SLTM: variants seen among roughly 807,000 people sequenced by gnomAD.
SLTM encodes the protein SAFB-like transcription modulator.
SLTM carries 43 observed loss-of-function variants against 134.6 expected under a neutral mutation model. The observed-to-expected ratio is 0.32, with a 90% CI of 0.25 to 0.41. The LOEUF (loss-of-function observed/expected upper bound fraction) is 0.41. SLTM is among the 10% of genes least tolerant of loss of function. The pLI, the probability that SLTM is intolerant of heterozygous loss-of-function variation, is 1.00. For synonymous variants in SLTM, 424 were observed against 432.3 expected (o/e 0.98, Z 0.24); for missense variants, 1,055 against 1,288.8 (o/e 0.82, Z 2.78).
intron 3 of SLTM, among the ~76,000 whole-genome samples, chr15:58,915,088 G>A (rs2036534909): frequency 6.6e-6 from 1 of 152,182 alleles, no homozygotes; most frequent in South Asian, 2.1e-4. Flanking sequence ...CTACTTGGGA[G>A]GCTGAGGCAG....
chr15:58,883,820 G>A (rs765206487), intron 19 of SLTM, 34 bp from the exon 20 acceptor site: 43 of 1,609,034 alleles, frequency 2.7e-5, no homozygotes, highest in South Asian at 1.9e-4. Context: ...TCACTTGGCC[G>A]GGCGCAGTGG....
intron 2 of SLTM, among the ~76,000 whole-genome samples, chr15:58,923,577 T>C (rs2037250487): frequency 6.6e-6 from 1 of 152,066 alleles, no homozygotes; most frequent in Admixed American, 6.6e-5. Context: ...CACCCTTAAA[T>C]TCCGACAAGC....
chr15:58,922,528 GTA>G (rs2037141605), intron 2 of SLTM, among the ~76,000 whole-genome samples: 2 of 120,650 alleles, frequency 1.7e-5, no homozygotes, highest in African/African-American at 3.2e-5. Flanking sequence ...AAATTTATAC[GTA>G]TATAATATAT....
chr15:58,879,951 C>G lies in SLTM; in HGVS notation c.*48G>C, dbSNP rs1398468614. 6.3e-7 allele frequency: 1 copy of G among 1,599,350 alleles called. No individual in the cohort carries two copies. Among genetic ancestry groups the G allele is most frequent in the Non-Finnish European group, 8.5e-7 (1 of 1,171,444 alleles). ...TTCATAAGTAGTCAAGTAAAGTTTA[C>G]AGGAGATTTCAATAAATTATCTTAA... is the stretch of plus-strand genomic sequence containing the variant. On this transcript the variant is annotated 3_prime_UTR_variant, in exon 21 of 21. Coordinates refer to ENST00000380516, the MANE Select transcript of SLTM (RefSeq NM_024755.4).
chr15:58,883,493 G>C, intron 20 of SLTM, 133 bp downstream of exon 20: 1 of 1,157,042 alleles, frequency 8.6e-7, no homozygotes, highest in Non-Finnish European at 1.3e-6. Flanking sequence ...ACTACGGGTT[G>C]ATACAGGGAA....
rs1245665979 is a variant in SLTM at position 58,883,613 on chromosome 15, G to A, written c.2996+13C>T. 1 of 1,613,392 alleles carries A rather than the reference G, an allele frequency of 6.2e-7. No homozygotes were observed. The highest frequency in any genetic ancestry group is 8.5e-7 in the Non-Finnish European group (1 of 1,179,526). ...TGGTTGTGTGCTGGCAGAAAAACTG[G>A]TTAGTTATTTACCTTGAATGTTGGG... is the stretch of plus-strand genomic sequence containing the variant. On this transcript the variant is annotated intron_variant, in intron 20 of 20. Coordinates refer to ENST00000380516, the MANE Select transcript of SLTM (RefSeq NM_024755.4).
intron 5 of SLTM, among the ~76,000 whole-genome samples, chr15:58,903,621 G>A (rs2035647329): frequency 6.6e-6 from 1 of 151,782 alleles, no homozygotes; most frequent in East Asian, 1.9e-4. Context: ...ACACCAACAT[G>A]GCACATGTAT....
intron 17 of SLTM, 24 bp downstream of exon 17, chr15:58,888,361 T>A (rs2034393189): frequency 6.4e-7 from 1 of 1,558,876 alleles, no homozygotes. Flanking sequence ...ATAAAATAAA[T>A]ATAACAATTT....
intron 15 of SLTM, chr15:58,889,963 T>C (rs1267049201): frequency 2.4e-5 from 9 of 377,750 alleles, no homozygotes; most frequent in Non-Finnish European, 4.3e-5. Flanking sequence ...TGTAAGGAAA[T>C]CGTTATTATT....
intron 5 of SLTM, among the ~76,000 whole-genome samples, chr15:58,901,633 A>T (rs1433927128): frequency 6.6e-6 from 1 of 152,238 alleles, no homozygotes; most frequent in Non-Finnish European, 1.5e-5. Flanking sequence ...ATTTTACGTC[A>T]CTCAGTTCAC....
chr15:58,881,778 G>A (rs1170982684), intron 20 of SLTM, among the ~76,000 whole-genome samples: 1 of 152,126 alleles, frequency 6.6e-6, no homozygotes, highest in African/African-American at 2.4e-5. Context: ...CTTTCTTTTT[G>A]TAGAGACAGG....
intron 17 of SLTM, among the ~76,000 whole-genome samples, chr15:58,887,867 G>T (rs1416221760): frequency 6.6e-6 from 1 of 152,132 alleles, no homozygotes; most frequent in Non-Finnish European, 1.5e-5. Context: ...AAGATAAGAA[G>T]AGGCGGGGAG....
At chr15:58,915,073 C>T (rs2036534301) in intron 3 of SLTM, among the ~76,000 whole-genome samples, 1 of 152,128 alleles carries the variant, frequency 6.6e-6, no homozygotes. Context: ...AGCCGGTAAT[C>T]CCAGCTACTT....
intron 20 of SLTM, among the ~76,000 whole-genome samples, chr15:58,882,686 T>C (rs2033837729): frequency 6.6e-6 from 1 of 152,134 alleles, no homozygotes; most frequent in Admixed American, 6.5e-5. Context: ...CTTACTGAAG[T>C]TTGATGGTAG....
chr15:58,887,456 G>C lies in SLTM; in HGVS notation c.2460C>G (p.Pro820=), dbSNP rs367960698. 8.1e-6 allele frequency: 13 copies of C among 1,613,900 alleles called. No individual in the cohort carries two copies. The highest frequency in any genetic ancestry group is 1.3e-5 in the African/African-American group (1 of 74,872). The part of the protein sequence containing the change: ...RREDPSFERY[P]KNFSDSRRNE... ...TTCTTCTGGAGTCACTGAAATTTTTGGGATATCTTTCGAAGCTTGGATCTT... is the reference window on the plus strand; with the variant it reads ...TTCTTCTGGAGTCACTGAAATTTTTCGGATATCTTTCGAAGCTTGGATCTT... The change falls in exon 18 of 21, where the codon CCC becomes CCG. Residue 820 remains proline, a synonymous_variant. Transcript: ENST00000380516.
At chr15:58,900,702 C>A (rs1308118229) in intron 6 of SLTM, 2 of 153,332 alleles carry the variant, frequency 1.3e-5, no homozygotes, top group African/African-American at 4.8e-5. Flanking sequence ...CCTTTGACTT[C>A]TGTCCAAGGA....
Position 58,894,002 on chromosome 15 carries a change from C to A in SLTM, c.1482-15G>T. On this transcript the variant is annotated splice_polypyrimidine_tract_variant and intron_variant, in intron 11 of 20. Coordinates refer to ENST00000380516, the MANE Select transcript of SLTM (RefSeq NM_024755.4). ...AGGCTTGTGTCCTGACCATACCGCCCCAGACAAAAAAACAGAATGAGTACT... is the reference window on the plus strand; with the variant it reads ...AGGCTTGTGTCCTGACCATACCGCCACAGACAAAAAAACAGAATGAGTACT... The A allele has an allele frequency of 1.2e-6, 2 of 1,600,524 alleles. No homozygotes were observed.
At position 58,932,417 on chromosome 15, in the gene SLTM, T is replaced by C. The variant is rs781191898; in HGVS notation, c.189A>G (p.Pro63=). Reference sequence around the variant, plus strand: ...TTGAAACAGTTAATTCAATATTATCTGGATCGCCTCCTTCCTCTTCAATAG... The same window carrying C: ...TTGAAACAGTTAATTCAATATTATCCGGATCGCCTCCTTCCTCTTCAATAG... ...KQAIEEEGGD[P]DNIELTVSTD... is the part of the protein sequence containing the mutation. Residue 63 remains proline, a synonymous_variant, in exon 2 of 21, where the codon CCA becomes CCG. Transcript: ENST00000380516. 11 of 1,613,208 alleles carry C rather than the reference T, an allele frequency of 6.8e-6. No individual in the cohort carries two copies. The highest frequency in any genetic ancestry group is 9.3e-6 in the Non-Finnish European group (11 of 1,179,190).
At chr15:58,881,867 G>A (rs780841441) in intron 20 of SLTM, among the ~76,000 whole-genome samples, 21 of 151,760 alleles carry the variant, frequency 1.4e-4, no homozygotes, top group Admixed American at 4.6e-4. Flanking sequence ...AAAGTACTGG[G>A]ATTACAGGCA....
Sources: gnomAD v4.1 joint callset for allele counts (sites outside exome capture counted in the v4.1 genomes callset) on GRCh38, gnomAD v4.1.1 for gene constraint, MANE v1.5 for transcripts, NCBI Gene and HGNC (gene_info 2026-07-23, HGNC 2026-07-21) for gene names.